GMPS: variants seen among roughly 807,000 people sequenced by gnomAD.
The protein encoded by GMPS is GMP synthase [glutamine-hydrolyzing].
In GMPS, 15 loss-of-function variants were observed where a neutral mutation model predicts 77.9. That is an observed-to-expected ratio of 0.19 (90% CI 0.13 to 0.30). The LOEUF (loss-of-function observed/expected upper bound fraction) is 0.30. GMPS is among the 10% of genes least tolerant of loss of function. The probability of loss-of-function intolerance (pLI) is 1.00; values close to 1 mark genes in which losing one functional copy is unlikely to be tolerated. For missense variants in GMPS, 590 were observed against 838.8 expected, an observed-to-expected ratio of 0.70 and a Z score of 3.66; for synonymous variants, 224 against 275.9, an observed-to-expected ratio of 0.81 and a Z score of 1.86.
At chr3:155,931,051 T>TGA (rs1311607705) in intron 12 of GMPS, among the ~76,000 whole-genome samples, 1 of 151,708 alleles carries the variant, frequency 6.6e-6, no homozygotes, top group African/African-American at 2.4e-5. Flanking sequence ...GTCTCAAACT[T>TGA]CTGGGCTCAA....
intron 3 of GMPS, among the ~76,000 whole-genome samples, chr3:155,903,324 T>G (rs1754777410): frequency 6.6e-6 from 1 of 152,228 alleles, no homozygotes; most frequent in African/African-American, 2.4e-5. Flanking sequence ...GTATGGGACT[T>G]GAACAGATGA....
At chr3:155,906,067 C>G in intron 4 of GMPS, 93 bp from the exon 5 acceptor site, 1 of 605,474 alleles carries the variant, frequency 1.7e-6, no homozygotes, top group Non-Finnish European at 2.8e-6. Flanking sequence ...TTTTTCTAAT[C>G]ATGTATGGCA....
At chr3:155,875,344 A>G (rs1280404632) in intron 1 of GMPS, among the ~76,000 whole-genome samples, 1 of 151,904 alleles carries the variant, frequency 6.6e-6, no homozygotes, top group Non-Finnish European at 1.5e-5. Flanking sequence ...AATTCTCCTG[A>G]CTCAGCCTCC....
rs1013287856 is a variant in GMPS at position 155,931,846 on chromosome 3, A to C, written c.1642A>C (p.Arg548=). 1 of 1,585,232 alleles carries C rather than the reference A, an allele frequency of 6.3e-7. No individual in the cohort carries two copies. The highest frequency in any genetic ancestry group is 8.7e-7 in the Non-Finnish European group (1 of 1,153,942). ...CTGGGAATCACTTATTTTTCTGGCT[A>C]GGCTTATACCTCGCATGTGTCACAA... ...PDWESLIFLA[R]LIPRMCHNVN... Residue 548 remains arginine, a synonymous_variant, in exon 13 of 16, where the codon AGG becomes CGG. Coordinates refer to ENST00000496455, the MANE Select transcript of GMPS (RefSeq NM_003875.3).
chr3:155,937,357 A>G (rs1755788008), intron 15 of GMPS, among the ~76,000 whole-genome samples: 1 of 152,236 alleles, frequency 6.6e-6, no homozygotes, highest in Non-Finnish European at 1.5e-5. Flanking sequence ...TTTGTGGATC[A>G]CACTTTGAGT....
At chr3:155,888,469 A>AC (rs1360408308) in intron 1 of GMPS, among the ~76,000 whole-genome samples, 1 of 151,668 alleles carries the variant, frequency 6.6e-6, no homozygotes, top group African/African-American at 2.4e-5. Context: ...TCACTCTGTC[A>AC]CCCAGGCTGG....
intron 12 of GMPS, among the ~76,000 whole-genome samples, chr3:155,929,054 T>G (rs1414831211): frequency 6.6e-6 from 1 of 151,660 alleles, no homozygotes; most frequent in East Asian, 2.0e-4. Flanking sequence ...ATATACCCAG[T>G]AATGGGATGG....
chr3:155,928,945 A>G (rs929896051), intron 12 of GMPS, among the ~76,000 whole-genome samples: 9 of 150,674 alleles, frequency 6.0e-5, no homozygotes, highest in Admixed American at 1.3e-4. Flanking sequence ...ATTGTTGGAC[A>G]TTTGGGTTGG....
chr3:155,913,904 A>G (rs1451168274), intron 7 of GMPS, among the ~76,000 whole-genome samples: 1 of 152,026 alleles, frequency 6.6e-6, no homozygotes, highest in Non-Finnish European at 1.5e-5. Flanking sequence ...GAGTGCCTGT[A>G]TCTGAATTCT....
chr3:155,905,178 T>A (rs952983078), intron 4 of GMPS, among the ~76,000 whole-genome samples: 2 of 151,974 alleles, frequency 1.3e-5, no homozygotes, highest in African/African-American at 4.8e-5. Context: ...AAATTTTTTG[T>A]GTTTTTAGTA....
At chr3:155,910,606 A>G (rs2108102458) in intron 5 of GMPS, 86 bp from the exon 6 acceptor site, 5 of 575,686 alleles carry the variant, frequency 8.7e-6, no homozygotes, top group Non-Finnish European at 8.8e-6. Context: ...CCATAGAGGC[A>G]GAGATTGTGA....
intron 12 of GMPS, among the ~76,000 whole-genome samples, chr3:155,928,019 C>CG (rs1755499219): frequency 2.9e-5 from 2 of 67,840 alleles, no homozygotes; most frequent in South Asian, 1.0e-3. Context: ...GCATTTTACA[C>CG]TTTTTTTTTT....
rs77260848 is a variant in GMPS at position 155,885,280 on chromosome 3, T to C, written c.28-8238T>C. Among the ~76,000 whole-genome samples, 187 of 152,272 alleles carry C rather than the reference T, an allele frequency of 1.2e-3. 1 individual carries two copies. The highest frequency in any genetic ancestry group is 4.2e-3 in the African/African-American group (175 of 41,552). On this transcript the variant is annotated intron_variant, in intron 1 of 15. Transcript: ENST00000496455. ...AAACATAGTAATTTATTGAAGGCAC[T>C]CCCATAGAATCCTATCTGTTGTGTA... is the stretch of plus-strand genomic sequence containing the variant.
chr3:155,915,755 C>T (rs774810213), intron 8 of GMPS, among the ~76,000 whole-genome samples: 7 of 150,486 alleles, frequency 4.7e-5, no homozygotes, highest in Admixed American at 6.6e-5. Context: ...AGGCTGGTCT[C>T]GAACTCCTGG....
At chr3:155,929,944 G>A (rs200515732) in intron 12 of GMPS, among the ~76,000 whole-genome samples, 282 of 136,988 alleles carry the variant, frequency 2.1e-3, no homozygotes, top group South Asian at 4.4e-3. Flanking sequence ...ACTGCCCAAG[G>A]TAATTTACAG....
chr3:155,893,449 A>G (rs1367750164), intron 1 of GMPS, 69 bp from the exon 2 acceptor site: 1 of 1,020,304 alleles, frequency 9.8e-7, no homozygotes, highest in Non-Finnish European at 1.4e-6. Context: ...AGTGATCATT[A>G]ATTTTTTTTT....
Position 155,943,503 on chromosome 3 carries a change from T to C in GMPS, c.*5811T>C, listed in dbSNP as rs956158145. 2 of 178,602 alleles carry C rather than the reference T, an allele frequency of 1.1e-5. No individual in the cohort carries two copies. The highest frequency in any genetic ancestry group is 2.4e-5 in the Non-Finnish European group (2 of 83,176). 11.1% of individuals were successfully genotyped at this position (178,602 alleles called of 1,614,324 possible). On this transcript the variant is annotated 3_prime_UTR_variant, in exon 16 of 16. Transcript: ENST00000496455. ...AAGACCATTGTTAACAACCTTGATA[T>C]TAAACGAAGAAGTGAATGTAAACCT...
chr3:155,909,335 A>T (rs1754971710), intron 5 of GMPS, among the ~76,000 whole-genome samples: 1 of 152,202 alleles, frequency 6.6e-6, no homozygotes, highest in African/African-American at 2.4e-5. Context: ...GTATATTCTG[A>T]CAAGTCTAAT....
In GMPS at chr3:155,939,238, G is replaced by A. The variant is rs949315922; in HGVS notation, c.*1546G>A. On this transcript the variant is annotated 3_prime_UTR_variant, in exon 16 of 16. Transcript: ENST00000496455. ...GGTACTCATTATGGCCTTCTGGAAAGAGGCTATGTTAGTGATCTGGTCTTT... is the reference window on the plus strand; with the variant it reads ...GGTACTCATTATGGCCTTCTGGAAAAAGGCTATGTTAGTGATCTGGTCTTT... 8 of 219,708 alleles carry A rather than the reference G, an allele frequency of 3.6e-5. No individual in the cohort carries two copies. Among genetic ancestry groups the A allele is most frequent in the Admixed American group, 5.8e-5 (1 of 17,330 alleles). 13.6% of individuals were successfully genotyped at this position (219,708 alleles called of 1,614,324 possible). A position where few individuals can be genotyped will look rare whatever the true frequency, so the allele number is the denominator to read the frequency against.
Sources: gnomAD v4.1 joint callset for allele counts (sites outside exome capture counted in the v4.1 genomes callset) on GRCh38, gnomAD v4.1.1 for gene constraint, MANE v1.5 for transcripts, NCBI Gene and HGNC (gene_info 2026-07-23, HGNC 2026-07-21) for gene names.